The following UNC80 variants were observed in gnomAD, a reference collection of about 807,000 sequenced individuals.
The protein encoded by UNC80 is protein unc-80 homolog.
UNC80 carries 164 observed loss-of-function variants against 384.6 expected under a neutral mutation model. The ratio of observed to expected loss-of-function variants is 0.43; its 90% CI spans 0.38 to 0.49. UNC80 has a LOEUF of 0.49. UNC80 is among the 20% of genes least tolerant of loss of function. The pLI is 0.00. For synonymous variants in UNC80, 1,486 were observed against 1,527.8 expected, an observed-to-expected ratio of 0.97 and a Z score of 0.64; for missense variants, 3,330 against 4,143.0, an observed-to-expected ratio of 0.80 and a Z score of 5.39.
chr2:209,926,127 C>A (rs2090414775), intron 35 of UNC80, among the ~76,000 whole-genome samples: 1 of 152,102 alleles, frequency 6.6e-6, no homozygotes, highest in African/African-American at 2.4e-5. Context: ...CTATGTCATT[C>A]TTATCCTAAA....
intron 18 of UNC80, 53 bp downstream of exon 18, chr2:209,835,063 G>A (rs1200544776): frequency 2.2e-6 from 3 of 1,376,210 alleles, no homozygotes; most frequent in Non-Finnish European, 2.0e-6. Flanking sequence ...CTTCACTCTG[G>A]AAGAATTTCT....
intron 29 of UNC80, among the ~76,000 whole-genome samples, chr2:209,906,245 A>AT (rs1170230158): frequency 2.6e-5 from 4 of 151,966 alleles, no homozygotes; most frequent in Non-Finnish European, 5.9e-5. Context: ...TCACAAAGGG[A>AT]TTTTTTTAAT....
intron 46 of UNC80, 25 bp downstream of exon 46, chr2:209,945,214 T>C: frequency 6.5e-7 from 1 of 1,545,062 alleles, no homozygotes; most frequent in Non-Finnish European, 8.7e-7. Context: ...TGCTTTGACA[T>C]TCTTTTTCTC....
intron 4 of UNC80, among the ~76,000 whole-genome samples, chr2:209,782,176 A>G (rs1187110493): frequency 6.6e-6 from 1 of 152,190 alleles, no homozygotes; most frequent in East Asian, 1.9e-4. Context: ...AATGTAGACA[A>G]TATCACCAAC....
At chr2:209,940,797 A>G (rs549968631) in intron 43 of UNC80, among the ~76,000 whole-genome samples, 1 of 152,200 alleles carries the variant, frequency 6.6e-6, no homozygotes, top group Non-Finnish European at 1.5e-5. Flanking sequence ...AGACAGAACG[A>G]CAGAGCGAGA....
At chr2:209,896,904 C>T (rs547570459) in intron 28 of UNC80, among the ~76,000 whole-genome samples, 6 of 152,066 alleles carry the variant, frequency 3.9e-5, no homozygotes, top group East Asian at 3.9e-4. Context: ...ACTCTGGGCA[C>T]GGGGTGGAGT....
chr2:209,944,493 A>ATTTTG (rs906743147), intron 45 of UNC80, among the ~76,000 whole-genome samples: 7 of 151,964 alleles, frequency 4.6e-5, no homozygotes, highest in Non-Finnish European at 1.0e-4. Flanking sequence ...TTTTATTTGC[A>ATTTTG]TTTTGTTTTT....
At chr2:209,981,364 G>A (rs2093152108) in intron 59 of UNC80, among the ~76,000 whole-genome samples, 1 of 152,218 alleles carries the variant, frequency 6.6e-6, no homozygotes, top group Non-Finnish European at 1.5e-5. Flanking sequence ...GATCACCTGA[G>A]GTCAGGAGTT....
chr2:209,784,078 C>T (rs1462177599), intron 4 of UNC80, among the ~76,000 whole-genome samples: 2 of 152,144 alleles, frequency 1.3e-5, no homozygotes, highest in African/African-American at 4.8e-5. Context: ...CTTTCTTAAT[C>T]GTGAAGCCAA....
intron 54 of UNC80, 126 bp from the exon 55 acceptor site, chr2:209,972,075 C>A: frequency 1.7e-6 from 2 of 1,185,966 alleles, no homozygotes; most frequent in Non-Finnish European, 2.3e-6. Flanking sequence ...GTACAGACAA[C>A]AATTGAACTC....
At chr2:209,913,669 G>A in intron 30 of UNC80, 133 bp from the exon 31 acceptor site, 2 of 833,760 alleles carry the variant, frequency 2.4e-6, no homozygotes. Context: ...AACTAAATAT[G>A]CTCCCATTTT....
Position 209,936,915 on chromosome 2 carries a change from C to T in UNC80, c.6345C>T (p.Asn2115=). ...THYFLMDKRW[N]LIHYNKTYVR... is the part of the protein sequence containing the mutation. Reference sequence around the variant, plus strand: ...ATTTTCTTATGGATAAACGATGGAACCTTATCCACTACAATAAGGTGAGAC... The same window carrying T: ...ATTTTCTTATGGATAAACGATGGAATCTTATCCACTACAATAAGGTGAGAC... The change falls in exon 41 of 65, where the codon AAC becomes AAT. Residue 2115 remains asparagine (N), a synonymous_variant. Transcript: ENST00000673920. 5 of 1,549,324 alleles carry T rather than the reference C, an allele frequency of 3.2e-6. No homozygotes were observed. Among genetic ancestry groups the T allele is most frequent in the Non-Finnish European group, 4.4e-6 (5 of 1,144,926 alleles).
At chr2:209,939,303 T>A (rs2091466065) in intron 42 of UNC80, among the ~76,000 whole-genome samples, 169 bp from the exon 43 acceptor site, 1 of 152,204 alleles carries the variant, frequency 6.6e-6, no homozygotes, top group Non-Finnish European at 1.5e-5. Flanking sequence ...TTGTTTGCTC[T>A]TGCTTGTGGT....
rs113265189 is a variant in UNC80, at chr2:209,879,578, G to A, written c.3977-1383G>A. On this transcript the variant is annotated intron_variant, in intron 24 of 64. Transcript: ENST00000673920. ...GGATGATAACCTTAGGAGTGAAACG[G>A]CAGACCCAAAAGTCTATACTGAATG... Among the ~76,000 whole-genome samples the A allele has an allele frequency of 2.0e-3, 305 of 152,292 alleles. 1 individual carries two copies. Among genetic ancestry groups the A allele is most frequent in the African/African-American group, 7.1e-3 (295 of 41,564 alleles).
intron 40 of UNC80, among the ~76,000 whole-genome samples, chr2:209,936,434 TCAAACA>T (rs1189360339): frequency 1.3e-5 from 2 of 152,212 alleles, no homozygotes; most frequent in Non-Finnish European, 2.9e-5. Flanking sequence ...TAAGTGTTTC[TCAAACA>T]TGCTTTCTTC....
chr2:209,831,725 C>T (rs1214703838), intron 16 of UNC80, 134 bp downstream of exon 16: 21 of 1,035,078 alleles, frequency 2.0e-5, no homozygotes, highest in Admixed American at 7.0e-5. Context: ...CTATTTTCCC[C>T]GGTGTCACCA....
Position 209,777,390 on chromosome 2 carries a change from G to A in UNC80, c.431G>A (p.Ser144Asn), listed in dbSNP as rs1417459339. The A allele has an allele frequency of 6.2e-7, 1 of 1,614,064 alleles. No homozygotes were observed. Among genetic ancestry groups the A allele is most frequent in the African/African-American group, 1.3e-5 (1 of 74,930 alleles). Residue 144 changes from serine (S) to asparagine (N), a missense_variant, in exon 4 of 65, where the codon AGC becomes AAC. This residue lies in a region of UNC80 where 937 missense variants were observed against 1,026.8 expected (regional missense o/e 0.91). Coordinates refer to ENST00000673920, the MANE Select transcript of UNC80 (RefSeq NM_001371986.1). ...GTDRGSSWGG[S>N]SSAFIHQVEN... ...GACCGAGGCTCCAGCTGGGGTGGAA[G>A]CAGCAGTGCTTTCATCCACCAGGTT...
In UNC80 at chr2:209,943,491, G is replaced by A; in HGVS notation, c.7027G>A (p.Val2343Met). The A allele has an allele frequency of 6.4e-7, 1 of 1,551,674 alleles. No homozygotes were observed. Among genetic ancestry groups the A allele is most frequent in the Non-Finnish European group, 8.7e-7 (1 of 1,146,946 alleles). The change falls in exon 45 of 65, where the codon GTG becomes ATG. Residue 2343 changes from valine to methionine, a missense_variant. Physicochemically the swap from Val to Met is conservative, Grantham distance 21 (BLOSUM62 1). This residue lies in a region of UNC80 where 1,049 missense variants were observed against 1,488.6 expected (regional missense o/e 0.70). Transcript: ENST00000673920. ...CTTTGTGCTCCAGCTGTTTGCTAGT[G>A]TGGCCCCTCTCCTGGAATTTCCTGT... ...KPFVLQLFASVAPLLEFPDAA... is the reference protein window; with the variant it reads ...KPFVLQLFASMAPLLEFPDAA...
At chr2:209,941,885 G>A (rs2091655887) in intron 44 of UNC80, among the ~76,000 whole-genome samples, 1 of 152,044 alleles carries the variant, frequency 6.6e-6, no homozygotes, top group Non-Finnish European at 1.5e-5. Flanking sequence ...ACTAGCTTGG[G>A]GAACACAGCA....
Sources: allele counts gnomAD v4.1 joint callset (sites outside exome capture counted in the v4.1 genomes callset), GRCh38; gene constraint gnomAD v4.1.1; regional missense constraint gnomAD v4.1.1; transcripts MANE v1.5; gene names NCBI Gene and HGNC (gene_info 2026-07-23, HGNC 2026-07-21).